DYNC2H1: variants seen among roughly 807,000 people sequenced by gnomAD.
The protein encoded by DYNC2H1 is cytoplasmic dynein 2 heavy chain 1.
Under a neutral mutation model 570.0 loss-of-function variants are expected in DYNC2H1, and 410 were observed. That is an observed-to-expected ratio of 0.72 (90% CI 0.66 to 0.78). The LOEUF (loss-of-function observed/expected upper bound fraction) is 0.78. DYNC2H1 is among the 30% of genes least tolerant of loss of function. The pLI is 0.00. For missense variants in DYNC2H1, 4,865 were observed against 5,046.4 expected (o/e 0.96, Z 1.09); for synonymous variants, 1,688 against 1,677.6 (o/e 1.01, Z -0.15).
At chr11:103,134,111 A>G (rs531233579) in intron 14 of DYNC2H1, among the ~76,000 whole-genome samples, 6 of 152,054 alleles carry the variant, frequency 3.9e-5, no homozygotes, top group Non-Finnish European at 5.9e-5. Flanking sequence ...ATGTTTTCCC[A>G]TATTAGATTG....
intron 17 of DYNC2H1, among the ~76,000 whole-genome samples, chr11:103,139,225 C>G (rs1478083737): frequency 1.3e-5 from 2 of 151,968 alleles, no homozygotes; most frequent in African/African-American, 4.8e-5. Flanking sequence ...CAGTTCTGCT[C>G]AGATTTTAGT....
intron 47 of DYNC2H1, 134 bp from the exon 48 acceptor site, chr11:103,197,799 G>A (rs1200981015): frequency 2.1e-6 from 2 of 956,918 alleles, no homozygotes; most frequent in Middle Eastern, 2.6e-4. Flanking sequence ...ACACTTTAAA[G>A]TATTTTGCCT....
At position 103,122,855 on chromosome 11, in the gene DYNC2H1, C is replaced by T. The variant is rs576789827; in HGVS notation, c.1516C>T (p.Leu506Phe). The change falls in exon 11 of 89, where the codon CTT becomes TTT. Residue 506 changes from leucine (L) to phenylalanine (F), a missense_variant. By Grantham distance (22) the Leu-to-Phe change is conservative. Transcript: ENST00000375735. ...VDDTIKIAEALLSDLPGFRCF... is the reference protein window; with the variant it reads ...VDDTIKIAEAFLSDLPGFRCF... ...TGATACTATCAAGATTGCAGAGGCT[C>T]TTTTATCTGACTTGCCAGGATTTCG... The T allele has an allele frequency of 1.4e-5, 23 of 1,613,036 alleles. No individual in the cohort carries two copies. The highest frequency in any genetic ancestry group is 1.1e-4 in the African/African-American group (8 of 74,918).
At position 103,386,621 on chromosome 11, in the gene DYNC2H1, GAT is replaced by G. The variant is rs1565549782; in HGVS notation, c.12157-13037_12157-13036del. Among the ~76,000 whole-genome samples the G allele has an allele frequency of 4.6e-5, 7 of 152,152 alleles. No individual in the cohort carries two copies. In the South Asian group the frequency reaches 1.5e-3, roughly 32 times the overall value. ...CCCATTAACTCATCATGTAACGTTA[GAT>G]ATATCTCCTAATGCTATCCCTCCAC... On this transcript the variant is annotated intron_variant, in intron 83 of 88. Transcript: ENST00000375735.
intron 15 of DYNC2H1, among the ~76,000 whole-genome samples, chr11:103,134,625 C>A (rs963166480): frequency 6.6e-6 from 1 of 151,788 alleles, no homozygotes; most frequent in South Asian, 2.1e-4. Context: ...AAAATAAGTT[C>A]CTGTAGTGTC....
chr11:103,345,641 G>C (rs1939706086), intron 82 of DYNC2H1, among the ~76,000 whole-genome samples: 2 of 152,278 alleles, frequency 1.3e-5, no homozygotes, highest in South Asian at 4.1e-4. Flanking sequence ...CAATAAGGCT[G>C]ATGTGGCTGA....
chr11:103,402,114 C>T (rs1319313087), intron 84 of DYNC2H1: 1 of 152,078 alleles, frequency 6.6e-6, no homozygotes, highest in East Asian at 1.9e-4. Flanking sequence ...CTTGAATTAT[C>T]TGTTTTTGAC....
At chr11:103,404,099 G>A (rs1942762123) in intron 84 of DYNC2H1, 1 of 151,936 alleles carries the variant, frequency 6.6e-6, no homozygotes, top group Non-Finnish European at 1.5e-5. Flanking sequence ...TATGGTCATG[G>A]AAAGTGAGTA....
chr11:103,142,071 A>G (rs1859972515), intron 17 of DYNC2H1, among the ~76,000 whole-genome samples: 1 of 152,160 alleles, frequency 6.6e-6, no homozygotes, highest in South Asian at 2.1e-4. Context: ...AAAGTGTAGT[A>G]TTAGGGTGGG....
At chr11:103,399,238 G>A (rs185265831) in intron 83 of DYNC2H1, among the ~76,000 whole-genome samples, 28 of 150,072 alleles carry the variant, frequency 1.9e-4, no homozygotes, top group African/African-American at 6.7e-4. Flanking sequence ...CATCTCCGGG[G>A]TTCAAGCAAT....
At chr11:103,173,740 G>C (rs974037437) in intron 35 of DYNC2H1, among the ~76,000 whole-genome samples, 1 of 152,052 alleles carries the variant, frequency 6.6e-6, no homozygotes, top group African/African-American at 2.4e-5. Context: ...TGGTGAACTA[G>C]ACAGTGTCAG....
In DYNC2H1 at chr11:103,161,067, T is replaced by C. The variant is rs376901588; in HGVS notation, c.4491+23T>C. 200 of 1,277,852 alleles carry C rather than the reference T, an allele frequency of 1.6e-4. No homozygotes were observed. In the South Asian group the frequency reaches 1.6e-3, roughly 10 times the overall value. 79.2% of individuals were successfully genotyped at this position (1,277,852 alleles called of 1,614,324 possible). A position where few individuals can be genotyped will look rare whatever the true frequency, so the allele number is the denominator to read the frequency against. ...GAGGTAAGCAATTCTTTTTCAAATATGAAAACAAAAAGAATTAACTATATA... is the reference window on the plus strand; with the variant it reads ...GAGGTAAGCAATTCTTTTTCAAATACGAAAACAAAAAGAATTAACTATATA... On this transcript the variant is annotated intron_variant, in intron 29 of 88. Transcript: ENST00000375735.
At chr11:103,258,332 A>G (rs955951113) in intron 69 of DYNC2H1, among the ~76,000 whole-genome samples, 1 of 152,240 alleles carries the variant, frequency 6.6e-6, no homozygotes, top group East Asian at 1.9e-4. Context: ...GCTATACCAT[A>G]CTTTATTTAA....
chr11:103,173,186 G>A lies in DYNC2H1; in HGVS notation c.5439G>A (p.Arg1813=), dbSNP rs371039240. ...KLPDNLKQLF[R]PVAMSHPDNE... is the part of the protein sequence containing the mutation. ...CTGATAATCTTAAACAGCTTTTCAG[G>A]CCCGTAGCTATGTCTCATCCAGACA... Residue 1813 remains arginine, a synonymous_variant, in exon 35 of 89, where the codon AGG becomes AGA. Transcript: ENST00000375735. The A allele has an allele frequency of 1.4e-4, 228 of 1,599,278 alleles. No homozygotes were observed. In the African/African-American group the frequency reaches 2.9e-3, roughly 20 times the overall value.
chr11:103,189,518 C>T lies in DYNC2H1; in HGVS notation c.7293-154C>T, dbSNP rs747741526. Among the ~76,000 whole-genome samples, 5 of 152,034 alleles carry T rather than the reference C, an allele frequency of 3.3e-5. No homozygotes were observed. The highest frequency in any genetic ancestry group is 7.4e-5 in the Non-Finnish European group (5 of 68,002). On this transcript the variant is annotated intron_variant, in intron 44 of 88. Coordinates refer to ENST00000375735, the MANE Select transcript of DYNC2H1 (RefSeq NM_001377.3). The surrounding 1 kb of genome is among the most constrained non-coding windows in gnomAD (Gnocchi z 4.3). Reference sequence around the variant, plus strand: ...TGGTTGAAATGAGAATGGATCGGGGCGATGAGCCTAGTCTTAGCCCCCTGG... The same window carrying T: ...TGGTTGAAATGAGAATGGATCGGGGTGATGAGCCTAGTCTTAGCCCCCTGG...
At chr11:103,382,961 G>A (rs1471020229) in intron 83 of DYNC2H1, among the ~76,000 whole-genome samples, 1 of 152,188 alleles carries the variant, frequency 6.6e-6, no homozygotes, top group African/African-American at 2.4e-5. Context: ...TTTGCAGGAA[G>A]CAGCTACCTC....
intron 88 of DYNC2H1, among the ~76,000 whole-genome samples, chr11:103,475,973 G>A (rs1373538128): frequency 6.6e-6 from 1 of 152,138 alleles, no homozygotes; most frequent in Non-Finnish European, 1.5e-5. Context: ...TCAGGTGTTG[G>A]AAAAAGATAA....
intron 70 of DYNC2H1, among the ~76,000 whole-genome samples, chr11:103,267,538 C>A (rs1865558216): frequency 6.6e-6 from 1 of 151,740 alleles, no homozygotes; most frequent in South Asian, 2.1e-4. Flanking sequence ...ATGAAGATAA[C>A]CTTCATAGTG....
chr11:103,198,579 A>G (rs1421707550), intron 48 of DYNC2H1, among the ~76,000 whole-genome samples: 1 of 152,200 alleles, frequency 6.6e-6, no homozygotes, highest in Non-Finnish European at 1.5e-5. Flanking sequence ...ATTGCAAATG[A>G]TTGCTTTAAA....
Sources: gnomAD v4.1 joint callset for allele counts (sites outside exome capture counted in the v4.1 genomes callset) on GRCh38, gnomAD v4.1.1 for gene constraint, Gnocchi (gnomAD v3.1) non-coding constraint, MANE v1.5 for transcripts, NCBI Gene and HGNC (gene_info 2026-07-23, HGNC 2026-07-21) for gene names.